The following FGF12 variants were observed in gnomAD, a reference collection of about 807,000 sequenced individuals.
The protein encoded by FGF12 is fibroblast growth factor 12, also known as fibroblast growth factor 12B.
Under a neutral mutation model 23.6 loss-of-function variants are expected in FGF12, and 14 were observed. That is an observed-to-expected ratio of 0.59 (90% CI 0.39 to 0.93). The LOEUF (loss-of-function observed/expected upper bound fraction) is 0.93. Ranked by LOEUF, FGF12 falls within the 40% of genes least tolerant of loss-of-function variation. The pLI, the probability that FGF12 is intolerant of heterozygous loss-of-function variation, is 0.00. For missense variants in FGF12, 175 were observed against 217.8 expected, an observed-to-expected ratio of 0.80 and a Z score of 1.24; for synonymous variants, 62 against 77.3, an observed-to-expected ratio of 0.80 and a Z score of 1.04.
chr3:192,372,041 G>A (rs541868109), intron 2 of FGF12, among the ~76,000 whole-genome samples: 7 of 152,230 alleles, frequency 4.6e-5, no homozygotes, highest in Admixed American at 6.5e-5. Flanking sequence ...AAAAAGTGGC[G>A]GGGCTGTAGA....
intron 2 of FGF12, among the ~76,000 whole-genome samples, chr3:192,606,098 A>C (rs1714327058): frequency 6.6e-6 from 1 of 152,238 alleles, no homozygotes; most frequent in South Asian, 2.1e-4. Context: ...ACTATTCACA[A>C]TAGCAAACAC....
At chr3:192,213,487 C>T (rs538883007) in intron 4 of FGF12, among the ~76,000 whole-genome samples, 3 of 152,240 alleles carry the variant, frequency 2.0e-5, no homozygotes, top group Admixed American at 6.5e-5. Context: ...TCATTTCATT[C>T]GCACAGCCAT....
intron 2 of FGF12, among the ~76,000 whole-genome samples, chr3:192,438,873 C>T (rs550740732): frequency 6.6e-6 from 1 of 152,298 alleles, no homozygotes; most frequent in East Asian, 1.9e-4. Flanking sequence ...TGAAACAGAA[C>T]AGGTTGGCTT....
intron 2 of FGF12, among the ~76,000 whole-genome samples, chr3:192,575,055 A>G (rs1712813999): frequency 6.6e-6 from 1 of 152,252 alleles, no homozygotes; most frequent in Non-Finnish European, 1.5e-5. Context: ...CAACTAAGCA[A>G]TAACAAGAGG....
chr3:192,260,405 A>C (rs183935557), intron 4 of FGF12, among the ~76,000 whole-genome samples: 1 of 152,316 alleles, frequency 6.6e-6, no homozygotes, highest in African/African-American at 2.4e-5. Context: ...CTAAGAAATC[A>C]CACTAAATTG....
At chr3:192,513,697 T>C (rs1463169412) in intron 2 of FGF12, among the ~76,000 whole-genome samples, 1 of 152,204 alleles carries the variant, frequency 6.6e-6, no homozygotes, top group Non-Finnish European at 1.5e-5. Flanking sequence ...TAAAATTATT[T>C]GGAATTCATG....
intron 2 of FGF12, among the ~76,000 whole-genome samples, chr3:192,594,843 AATCTGTGAT>A (rs1297672770): frequency 1.3e-5 from 2 of 151,916 alleles, no homozygotes; most frequent in African/African-American, 4.8e-5. Context: ...TAAATTGCCG[AATCTGTGAT>A]ATTCTGTTAC....
At chr3:192,555,898 TA>T (rs1711751385) in intron 2 of FGF12, among the ~76,000 whole-genome samples, 1 of 151,904 alleles carries the variant, frequency 6.6e-6, no homozygotes, top group Non-Finnish European at 1.5e-5. Context: ...GGAGGAGACG[TA>T]AAGGGCAGTT....
chr3:192,648,834 A>G (rs1716107181), intron 2 of FGF12, among the ~76,000 whole-genome samples: 1 of 152,204 alleles, frequency 6.6e-6, no homozygotes, highest in South Asian at 2.1e-4. Context: ...TAACAACTAA[A>G]TATAAACTGA....
intron 2 of FGF12, among the ~76,000 whole-genome samples, chr3:192,453,880 C>A (rs1722601363): frequency 6.6e-6 from 1 of 152,058 alleles, no homozygotes; most frequent in African/African-American, 2.4e-5. Context: ...TCTCTATAAA[C>A]TTGAAGTATT....
intron 2 of FGF12, among the ~76,000 whole-genome samples, chr3:192,567,429 A>G (rs1212040307): frequency 6.6e-6 from 1 of 152,056 alleles, no homozygotes; most frequent in Non-Finnish European, 1.5e-5. Flanking sequence ...TTTCTTAGAG[A>G]TTATTATAGA....
chr3:192,324,717 A>T (rs1716732198), intron 4 of FGF12, among the ~76,000 whole-genome samples: 1 of 152,226 alleles, frequency 6.6e-6, no homozygotes, highest in Non-Finnish European at 1.5e-5. Flanking sequence ...TTCACTGATG[A>T]CTAAAGAAAT....
chr3:192,439,877 T>A (rs568928772), intron 2 of FGF12, among the ~76,000 whole-genome samples: 27 of 151,226 alleles, frequency 1.8e-4, no homozygotes, highest in South Asian at 8.4e-4. Flanking sequence ...CTTGGGAGGC[T>A]GAGGCAGAGA....
At chr3:192,456,710 G>A (rs1722692669) in intron 2 of FGF12, among the ~76,000 whole-genome samples, 1 of 152,064 alleles carries the variant, frequency 6.6e-6, no homozygotes, top group South Asian at 2.1e-4. Context: ...GGACTGCAAG[G>A]TAAGAATTAC....
intron 2 of FGF12, among the ~76,000 whole-genome samples, chr3:192,474,711 C>T (rs1723268332): frequency 6.6e-6 from 1 of 151,954 alleles, no homozygotes; most frequent in Non-Finnish European, 1.5e-5. Flanking sequence ...CATGGTGAAA[C>T]CCTGTCTCTA....
At chr3:192,372,519 G>A (rs1387732511) in intron 2 of FGF12, among the ~76,000 whole-genome samples, 4 of 152,056 alleles carry the variant, frequency 2.6e-5, no homozygotes, top group Non-Finnish European at 4.4e-5. Flanking sequence ...ACATCCATCA[G>A]CCTTGATCCT....
At chr3:192,361,542 G>A (rs1156562602) in intron 2 of FGF12, among the ~76,000 whole-genome samples, 5 of 152,156 alleles carry the variant, frequency 3.3e-5, no homozygotes, top group Non-Finnish European at 7.3e-5. Context: ...TAACAACATG[G>A]TATCCTCAGA....
At chr3:192,296,615 T>A (rs1715057681) in intron 4 of FGF12, among the ~76,000 whole-genome samples, 1 of 152,228 alleles carries the variant, frequency 6.6e-6, no homozygotes. Flanking sequence ...TTTACCATCT[T>A]TAGTTGTACA....
intron 2 of FGF12, among the ~76,000 whole-genome samples, chr3:192,442,282 G>T (rs543821596): frequency 6.6e-6 from 1 of 152,154 alleles, no homozygotes; most frequent in Non-Finnish European, 1.5e-5. Flanking sequence ...ACTGCATTGC[G>T]CACTGACTAT....
Sources: gnomAD v4.1 joint callset for allele counts (sites outside exome capture counted in the v4.1 genomes callset) on GRCh38, gnomAD v4.1.1 for gene constraint, MANE v1.5 for transcripts, NCBI Gene and HGNC (gene_info 2026-07-23, HGNC 2026-07-21) for gene names.